Variants in SYTL5 observed in about 807,000 individuals in gnomAD.
SYTL5 encodes the protein synaptotagmin-like protein 5.
SYTL5 carries 34 observed loss-of-function variants against 55.9 expected under a neutral mutation model. The ratio of observed to expected loss-of-function variants is 0.61; its 90% CI spans 0.46 to 0.81. The LOEUF is 0.81. SYTL5 is among the 30% of genes least tolerant of loss of function. The probability of loss-of-function intolerance (pLI) is 0.00; values close to 1 mark genes in which losing one functional copy is unlikely to be tolerated. For missense variants in SYTL5, 637 were observed against 546.7 expected (o/e 1.17, Z -1.65); for synonymous variants, 221 against 188.7 (o/e 1.17, Z -1.40).
the SYTL5 span, among the ~76,000 whole-genome samples, chrX:37,932,078 A>G: frequency 2.5e-3 from 284 of 112,390 alleles, 1 homozygote; most frequent in Non-Finnish European, 4.2e-3. Context: ...TATTTTTAAA[A>G]GTAAATTTTA....
chrX:38,115,483 CAAAAAAAAAAA>C (rs772227891), intron 13 of SYTL5, among the ~76,000 whole-genome samples: 1 of 17,476 alleles, frequency 5.7e-5, no homozygotes, highest in African/African-American at 2.1e-4. Context: ...GACTCCGTCT[CAAAAAAAAAAA>C]AAAAAAAAAA....
chrX:38,005,668 A>G (rs1430224406), upstream of SYTL5, among the ~76,000 whole-genome samples: 1 of 111,275 alleles, frequency 9.0e-6, no homozygotes, highest in Admixed American at 9.6e-5. Context: ...GTAATCATCC[A>G]ATCTGAAAAA....
chrX:38,120,694 T>C (rs1211691295), intron 14 of SYTL5, among the ~76,000 whole-genome samples: 1 of 110,534 alleles, frequency 9.0e-6, no homozygotes, highest in Admixed American at 9.6e-5. Context: ...GAAACCAGCC[T>C]TGGTGGTCAG....
chrX:38,118,208 G>A (rs1602414716), intron 13 of SYTL5, among the ~76,000 whole-genome samples: 1 of 111,486 alleles, frequency 9.0e-6, no homozygotes, highest in Non-Finnish European at 1.9e-5. Flanking sequence ...TTTGCCCCGG[G>A]TAAGAAGGTT....
the SYTL5 span, among the ~76,000 whole-genome samples, chrX:37,984,697 A>G: frequency 9.0e-6 from 1 of 111,479 alleles, no homozygotes; most frequent in East Asian, 2.8e-4. Flanking sequence ...GGAAAACTAC[A>G]GACCATATAT....
the SYTL5 span, among the ~76,000 whole-genome samples, chrX:37,905,114 A>G: frequency 9.0e-6 from 1 of 110,529 alleles, no homozygotes; most frequent in Non-Finnish European, 1.9e-5. Context: ...GACCGTCCCA[A>G]CGAAGCACTG....
At chrX:37,889,229 A>G in the SYTL5 span, among the ~76,000 whole-genome samples, 1 of 112,310 alleles carries the variant, frequency 8.9e-6, no homozygotes, top group Non-Finnish European at 1.9e-5. Flanking sequence ...TGACCCAGAG[A>G]ATACTCACTG....
At chrX:38,082,000 A>G in intron 6 of SYTL5, among the ~76,000 whole-genome samples, 1 of 111,735 alleles carries the variant, frequency 8.9e-6, no homozygotes, top group Non-Finnish European at 1.9e-5. Context: ...CCTCCCTCCC[A>G]AACTGCTCTC....
intron 3 of SYTL5, among the ~76,000 whole-genome samples, chrX:38,055,208 C>T (rs1310788702): frequency 3.6e-5 from 4 of 111,658 alleles, no homozygotes; most frequent in African/African-American, 1.3e-4. Context: ...GAGTACTTCC[C>T]GAATTTCCTC....
chrX:37,955,981 A>G, the SYTL5 span, among the ~76,000 whole-genome samples: 1 of 112,059 alleles, frequency 8.9e-6, no homozygotes, highest in South Asian at 3.7e-4. Context: ...AAACATCCAT[A>G]CTGTATTGAT....
At chrX:38,002,082 T>C (rs888728449), upstream of SYTL5, among the ~76,000 whole-genome samples, 1 of 109,765 alleles carries the variant, frequency 9.1e-6, no homozygotes. Flanking sequence ...GTTCTCATTG[T>C]TCAATTCCCA....
chrX:38,062,182 C>T (rs984496335), intron 3 of SYTL5, among the ~76,000 whole-genome samples: 1 of 110,809 alleles, frequency 9.0e-6, no homozygotes, highest in Non-Finnish European at 1.9e-5. Flanking sequence ...GTTGGCCAGG[C>T]TGGTCTCAAA....
chrX:38,122,601 T>A (rs1310753580), intron 15 of SYTL5, among the ~76,000 whole-genome samples: 1 of 112,283 alleles, frequency 8.9e-6, no homozygotes, highest in Non-Finnish European at 1.9e-5. Context: ...CCTTGATATT[T>A]TTCTCTCTTG....
intron 1 of SYTL5, among the ~76,000 whole-genome samples, chrX:38,029,186 G>C (rs982097879): frequency 9.0e-6 from 1 of 111,701 alleles, no homozygotes; most frequent in African/African-American, 3.2e-5. Flanking sequence ...TTTAACTTTA[G>C]CCAATATGTT....
At chrX:37,964,720 T>G in the SYTL5 span, among the ~76,000 whole-genome samples, 1 of 111,583 alleles carries the variant, frequency 9.0e-6, no homozygotes, top group African/African-American at 3.2e-5. Context: ...CATCTGGTCC[T>G]GGGCTTCTTG....
chrX:38,114,438 A>G lies in SYTL5; in HGVS notation c.1596+3956A>G, dbSNP rs1472500528. Among the ~76,000 whole-genome samples, 5 of 112,178 alleles carry G rather than the reference A, an allele frequency of 4.5e-5. No homozygotes were observed. The East Asian group carries it at 1.4e-3, about 31-fold the overall frequency. ...TTACATTGAACTTTCTGTATAGTAG[A>G]AACCCTCTTGCCCCAGAAATTACAA... On this transcript the variant is annotated intron_variant, in intron 13 of 16. Transcript: ENST00000297875.
intron 13 of SYTL5, among the ~76,000 whole-genome samples, chrX:38,111,966 T>C (rs1417098631): frequency 9.2e-6 from 1 of 108,952 alleles, no homozygotes; most frequent in Non-Finnish European, 1.9e-5. Flanking sequence ...TAGGCATCCT[T>C]TGTGCTTAGA....
At chrX:38,077,057 C>A (rs1355424646) in intron 6 of SYTL5, among the ~76,000 whole-genome samples, 2 of 111,579 alleles carry the variant, frequency 1.8e-5, no homozygotes, top group African/African-American at 6.5e-5. Context: ...CAAATACATT[C>A]CTTGCAGCTT....
Position 38,096,141 on chromosome X carries a change from T to A in SYTL5, c.969T>A (p.Ser323Arg). Residue 323 changes from serine (S) to arginine (R), a missense_variant, in exon 9 of 17, where the codon AGT becomes AGA. Coordinates refer to ENST00000297875, the MANE Select transcript of SYTL5 (RefSeq NM_138780.3). ...TTCCTTTCCACCTTCCAGATCAGAG[T>A]CGATCTGAGTTAGATTTGAGTGAGT... ...VSGTSLSSDQ[S>R]RSELDLSESF... 1 of 1,159,546 alleles carries A rather than the reference T, an allele frequency of 8.6e-7. No homozygotes were observed. Among genetic ancestry groups the A allele is most frequent in the Non-Finnish European group, 1.2e-6 (1 of 857,125 alleles).
Sources: gnomAD v4.1 joint callset for allele counts (sites outside exome capture counted in the v4.1 genomes callset) on GRCh38, gnomAD v4.1.1 for gene constraint, MANE v1.5 for transcripts, NCBI Gene and HGNC (gene_info 2026-07-23, HGNC 2026-07-21) for gene names.